Variants in PSG9 observed in about 807,000 individuals in gnomAD.
PSG9 encodes the protein pregnancy-specific beta-1-glycoprotein 9.
A neutral mutation model predicts 41.9 loss-of-function variants in PSG9; 49 were observed. The observed-to-expected ratio is 1.17, with a 90% CI of 0.93 to 1.48. The LOEUF (loss-of-function observed/expected upper bound fraction) is 1.48, where lower values mean the gene tolerates loss of function less well. PSG9 is among the 40% of genes most tolerant of loss of function. The pLI is 0.00. For missense variants in PSG9, 641 were observed against 520.3 expected (o/e 1.23, Z -2.26); for synonymous variants, 263 against 196.8 (o/e 1.34, Z -2.82).
intron 2 of PSG9, among the ~76,000 whole-genome samples, chr19:43,264,194 C>A (rs1488554660): frequency 6.6e-6 from 1 of 152,130 alleles, no homozygotes; most frequent in Admixed American, 6.5e-5. Context: ...CCAACTGGTC[C>A]CCAAAAACCA....
In PSG9 at chr19:43,262,132, G is replaced by A; in HGVS notation, c.437C>T (p.Thr146Ile). 2 of 1,613,262 alleles carry A rather than the reference G, an allele frequency of 1.2e-6. No homozygotes were observed. The highest frequency in any genetic ancestry group is 1.7e-6 in the Non-Finnish European group (2 of 1,179,450). Residue 146 changes from threonine to isoleucine, a missense_variant, in exon 3 of 6, where the codon ACT (threonine) becomes ATT (isoleucine). Coordinates refer to ENST00000270077, the MANE Select transcript of PSG9 (RefSeq NM_002784.5). The stretch of plus-strand genomic sequence containing the variant: ...GCTGCTGGAGATGTAGGGCTTGGGA[G>A]TCTCCACTGTGCAGAAAACAGAGAG... ...RHFTFTLYLE[T>I]PKPYISSSNL...
At chr19:43,258,547 C>A in intron 4 of PSG9, 91 bp from the exon 5 acceptor site, 4 of 1,485,514 alleles carry the variant, frequency 2.7e-6, no homozygotes, top group Non-Finnish European at 3.6e-6. Context: ...CCCTCTGAGC[C>A]AAGACACACC....
rs1304964603 is a variant in PSG9, at chr19:43,268,149, G to A, written c.65C>T (p.Ala22Val). ...CGGGTTCCAGAAGTTTAAAAGTGATGCTAGGAGGGGGAGACAGCATCAGTT... is the reference window on the plus strand; with the variant it reads ...CGGGTTCCAGAAGTTTAAAAGTGATACTAGGAGGGGGAGACAGCATCAGTT... The part of the protein sequence containing the change: ...RITWKGLLLT[A>V]SLLNFWNPPT... The change falls in exon 2 of 6, where the codon GCA (alanine) becomes GTA (valine). Residue 22 changes from alanine (A) to valine (V), a missense_variant and splice_region_variant. Coordinates refer to ENST00000270077, the MANE Select transcript of PSG9 (RefSeq NM_002784.5). The A allele has an allele frequency of 2.5e-6, 4 of 1,598,300 alleles. No individual in the cohort carries two copies. In the South Asian group the frequency reaches 4.5e-5, roughly 18 times the overall value.
Position 43,265,940 on chromosome 19 carries a change from TGGGAGGTGGGCCAGGCCACA to T in PSG9, c.430+1824_430+1843del, listed in dbSNP as rs1968945276. 1.3e-5 allele frequency among the ~76,000 whole-genome samples: 2 copies of T among 151,960 alleles called. 1 individual carries two copies. Among genetic ancestry groups the T allele is most frequent in the East Asian group, 3.9e-4 (2 of 5,176 alleles). On this transcript the variant is annotated intron_variant, in intron 2 of 5. Transcript: ENST00000270077. ...TGATTTCTGTGCCTTTCCTATTTCCTGGGAGGTGGGCCAGGCCACAGTGTTAGTAGGAAGGGAACCGAACA... is the reference window on the plus strand; with the variant it reads ...TGATTTCTGTGCCTTTCCTATTTCCTGTGTTAGTAGGAAGGGAACCGAACA...
chr19:43,268,652 T>C (rs1969100106), intron 1 of PSG9, among the ~76,000 whole-genome samples: 1 of 152,130 alleles, frequency 6.6e-6, no homozygotes, highest in Non-Finnish European at 1.5e-5. Flanking sequence ...GACAGGGACT[T>C]TTGTGATCCT....
chr19:43,258,993 G>T lies in PSG9; in HGVS notation c.852C>A (p.Pro284=). The part of the protein sequence containing the change: ...WLNGQSLPVS[P]GVKRPIENRI... ...TGTTTTCAATGGGTCGCTTTACCCC[G>T]GGACTGACGGGGAGGCTCTGACCGT... is the stretch of plus-strand genomic sequence containing the variant. Residue 284 remains proline (P), a synonymous_variant, in exon 4 of 6, where the codon CCC becomes CCA. Coordinates refer to ENST00000270077, the MANE Select transcript of PSG9 (RefSeq NM_002784.5). 1 of 1,590,578 alleles carries T rather than the reference G, an allele frequency of 6.3e-7. No homozygotes were observed. The highest frequency in any genetic ancestry group is 8.5e-7 in the Non-Finnish European group (1 of 1,174,462).
intron 2 of PSG9, among the ~76,000 whole-genome samples, chr19:43,263,184 C>G (rs972167918): frequency 6.6e-6 from 1 of 152,080 alleles, no homozygotes; most frequent in Admixed American, 6.6e-5. Context: ...TTTGCAGGAG[C>G]TGGGATCAGG....
At chr19:43,258,130 C>T (rs772010649) in intron 5 of PSG9, 72 bp downstream of exon 5, 8 of 1,590,922 alleles carry the variant, frequency 5.0e-6, no homozygotes, top group Non-Finnish European at 6.8e-6. Flanking sequence ...AAAATGTTTT[C>T]CTGACTCTTC....
Position 43,258,182 on chromosome 19 carries a change from G to T in PSG9, c.1243+20C>A. The T allele has an allele frequency of 6.3e-7, 1 of 1,592,548 alleles. No homozygotes were observed. The highest frequency in any genetic ancestry group is 8.5e-7 in the Non-Finnish European group (1 of 1,174,418). On this transcript the variant is annotated intron_variant, in intron 5 of 5. Coordinates refer to ENST00000270077, the MANE Select transcript of PSG9 (RefSeq NM_002784.5). ...ACTCCACATAAAACCCTACTGCCAA[G>T]GATGCTGGGATCCACTTACCAGAGA...
Position 43,255,234 on chromosome 19 carries a change from C to A in PSG9, c.1244-1588G>T, listed in dbSNP as rs1255714148. On this transcript the variant is annotated intron_variant, in intron 5 of 5. Transcript: ENST00000270077. Reference sequence around the variant, plus strand: ...ATTGGATAACCTAGATGAAATGGACCAACTCCTAGAACCACACAAAAATAT... The same window carrying A: ...ATTGGATAACCTAGATGAAATGGACAAACTCCTAGAACCACACAAAAATAT... Among the ~76,000 whole-genome samples the A allele has an allele frequency of 1.4e-4, 20 of 145,734 alleles. 4 individuals carry two copies. The highest frequency in any genetic ancestry group is 4.2e-4 in the African/African-American group (16 of 38,328).
In PSG9 at chr19:43,253,645, A is replaced by C. The variant is rs773474307; in HGVS notation, c.1245T>G (p.Gly415=). The change falls in exon 6 of 6, where the codon GGT becomes GGG. Residue 415 remains glycine (G), a splice_region_variant and synonymous_variant. Transcript: ENST00000270077. The part of the protein sequence containing the change: ...ISKSMTVKVS[G]PCHGDLTESQ... ...ACTCTGTCAGGTCTCCATGGCAGGG[A>C]CCTGATTGACAGAAGGCCCAGGTCA... 8.5e-7 allele frequency: 1 copy of C among 1,181,890 alleles called. No homozygotes were observed. Among genetic ancestry groups the C allele is most frequent in the Non-Finnish European group, 1.2e-6 (1 of 811,972 alleles). The allele number at this position is 1,181,890 out of a possible 1,614,324, so 73.2% of individuals were successfully genotyped here. A position where few individuals can be genotyped will look rare whatever the true frequency, so the allele number is the denominator to read the frequency against.
At position 43,269,409 on chromosome 19, in the gene PSG9, G is replaced by A. The variant is rs1599846247; in HGVS notation, c.23C>T (p.Ser8Phe). Residue 8 changes from serine to phenylalanine, a missense_variant, in exon 1 of 6, where the codon TCC becomes TTC. Transcript: ENST00000270077. Reference protein sequence around the residue: MGPLPAPSCTQRITWKGL... With the variant: MGPLPAPFCTQRITWKGL... ...CTTCCAGGTGATGCGCTGTGTGCAG[G>A]AAGGGGCTGGGAGGGGCCCCATGGT... The A allele has an allele frequency of 1.2e-6, 2 of 1,613,710 alleles. No individual in the cohort carries two copies. Among genetic ancestry groups the A allele is most frequent in the South Asian group, 2.2e-5 (2 of 91,072 alleles).
Position 43,255,105 on chromosome 19 carries a change from CAAAAAAAAA to C in PSG9, c.1244-1468_1244-1460del, listed in dbSNP as rs35986995. ...AGTGAGAGCCTGTCTCTCTCTCTTC[CAAAAAAAAA>C]AAAAAAGAAAGAAAGAAAGAAAAAT... On this transcript the variant is annotated intron_variant, in intron 5 of 5. Coordinates refer to ENST00000270077, the MANE Select transcript of PSG9 (RefSeq NM_002784.5). 1.5e-4 allele frequency among the ~76,000 whole-genome samples: 12 copies of C among 82,250 alleles called. 2 individuals are homozygous for C. The highest frequency in any genetic ancestry group is 6.1e-4 in the African/African-American group (12 of 19,626). The allele number at this position is 82,250 out of a possible 152,430, so 54.0% of individuals were successfully genotyped here.
intron 2 of PSG9, among the ~76,000 whole-genome samples, chr19:43,263,283 G>C (rs1325466465): frequency 3.9e-5 from 6 of 152,110 alleles, no homozygotes; most frequent in African/African-American, 1.4e-4. Context: ...CATGCCTATA[G>C]TTCATACAGA....
chr19:43,258,425 T>C lies in PSG9; in HGVS notation c.1020A>G (p.Ser340=). ...YGPDLPRIYP[S]FTYYRSGENL... is the part of the protein sequence containing the mutation. ...TTTCTCCTGAACGGTAATAGGTGAA[T>C]GAAGGGTAAATTCTGGGGAGGTCTG... Residue 340 remains serine (S), a synonymous_variant, in exon 5 of 6, where the codon TCA becomes TCG. Coordinates refer to ENST00000270077, the MANE Select transcript of PSG9 (RefSeq NM_002784.5). 6.3e-7 allele frequency: 1 copy of C among 1,585,388 alleles called. No individual in the cohort carries two copies. Among genetic ancestry groups the C allele is most frequent in the Admixed American group, 1.7e-5 (1 of 57,570 alleles).
chr19:43,262,066 A>G lies in PSG9; in HGVS notation c.503T>C (p.Ile168Thr), dbSNP rs960869946. The change falls in exon 3 of 6, where the codon ATC becomes ACC. Residue 168 changes from isoleucine to threonine, a missense_variant. Physicochemically the swap from Ile to Thr is moderately conservative, Grantham distance 89. Transcript: ENST00000270077. ...TGCGTCCAGAGTCTCAGGATCACAG[A>G]TTAAGCGCACAGCCTCCATGGCCTC... is the stretch of plus-strand genomic sequence containing the variant. ...PREAMEAVRL[I>T]CDPETLDASY... 5.0e-6 allele frequency: 8 copies of G among 1,613,864 alleles called. No homozygotes were observed. The highest frequency in any genetic ancestry group is 2.7e-5 in the African/African-American group (2 of 74,886).
chr19:43,257,963 C>T, intron 5 of PSG9: 2 of 1,453,184 alleles, frequency 1.4e-6, no homozygotes, highest in Non-Finnish European at 1.8e-6. Flanking sequence ...GGGCTCAGGG[C>T]TGATAAAGCC....
intron 5 of PSG9, among the ~76,000 whole-genome samples, chr19:43,255,519 G>A (rs1303445496): frequency 6.8e-6 from 1 of 146,042 alleles, no homozygotes; most frequent in Non-Finnish European, 1.5e-5. Flanking sequence ...GAAAAATTAG[G>A]CAAGAATTGA....
At position 43,259,065 on chromosome 19, in the gene PSG9, G is replaced by A; in HGVS notation, c.780C>T (p.Phe260=). 6.3e-7 allele frequency: 1 copy of A among 1,590,452 alleles called. No homozygotes were observed. Among genetic ancestry groups the A allele is most frequent in the Admixed American group, 1.7e-5 (1 of 58,632 alleles). The change falls in exon 4 of 6, where the codon TTC becomes TTT. Residue 260 remains phenylalanine, a synonymous_variant. Transcript: ENST00000270077. ...AGTTCTCACTCTTAGGTTCACAGGTGAAGGCTAAGACATCCTTATTCTCCC... is the reference window on the plus strand; with the variant it reads ...AGTTCTCACTCTTAGGTTCACAGGTAAAGGCTAAGACATCCTTATTCTCCC... ...NPRENKDVLA[F]TCEPKSENYT...
Sources: gnomAD v4.1 joint callset for allele counts (sites outside exome capture counted in the v4.1 genomes callset) on GRCh38, gnomAD v4.1.1 for gene constraint, MANE v1.5 for transcripts, NCBI Gene and HGNC (gene_info 2026-07-23, HGNC 2026-07-21) for gene names.